The following SCOC variants were observed in gnomAD, a reference collection of about 807,000 sequenced individuals.
The protein encoded by SCOC is short coiled-coil protein, also known as short coiled coil protein.
A neutral mutation model predicts 9.9 loss-of-function variants in SCOC; 7 were observed. The observed-to-expected ratio is 0.71, with a 90% CI of 0.40 to 1.33. The LOEUF (loss-of-function observed/expected upper bound fraction) is 1.33, where lower values mean the gene tolerates loss of function less well. SCOC is among the 40% of genes most tolerant of loss of function. The pLI is 0.01. For synonymous variants in SCOC, 19 were observed against 28.2 expected (o/e 0.67, Z 1.03); for missense variants, 66 against 89.7 (o/e 0.74, Z 1.07).
At chr4:140,299,994 C>T (rs972554078) in intron 1 of SCOC, among the ~76,000 whole-genome samples, 1 of 152,140 alleles carries the variant, frequency 6.6e-6, no homozygotes, top group African/African-American at 2.4e-5. Flanking sequence ...ACATCACAGT[C>T]TTATAGGCCC....
At chr4:140,347,011 A>G (rs576223189) in intron 2 of SCOC, among the ~76,000 whole-genome samples, 1 of 152,336 alleles carries the variant, frequency 6.6e-6, no homozygotes, top group South Asian at 2.1e-4. Flanking sequence ...CAAGTTCTGT[A>G]TGAAAGTCAA....
intron 1 of SCOC, among the ~76,000 whole-genome samples, chr4:140,322,106 C>A (rs1281765891): frequency 6.6e-6 from 1 of 152,124 alleles, no homozygotes; most frequent in Non-Finnish European, 1.5e-5. Flanking sequence ...ATGTCTGTTT[C>A]TTTAAAATAA....
At chr4:140,339,027 T>A (rs1726390614), upstream of SCOC, among the ~76,000 whole-genome samples, 1 of 152,240 alleles carries the variant, frequency 6.6e-6, no homozygotes, top group Non-Finnish European at 1.5e-5. Flanking sequence ...GCTGGAGGCA[T>A]CATGCTACCT....
Position 140,382,986 on chromosome 4 carries a change from T to C in SCOC, c.*1882T>C, listed in dbSNP as rs1315163984. The C allele has an allele frequency of 7.9e-5, 12 of 152,254 alleles. No homozygotes were observed. The highest frequency in any genetic ancestry group is 2.9e-4 in the African/African-American group (12 of 41,466). The allele number at this position is 152,254 out of a possible 1,614,324, so 9.4% of individuals were successfully genotyped here. A position where few individuals can be genotyped will look rare whatever the true frequency, so the allele number is the denominator to read the frequency against. Reference sequence around the variant, plus strand: ...GGTGCTGCCATTTTAAATCATGGCTTTCAAGTCACTCTAGTTATTCTTCTA... The same window carrying C: ...GGTGCTGCCATTTTAAATCATGGCTCTCAAGTCACTCTAGTTATTCTTCTA... On this transcript the variant is annotated 3_prime_UTR_variant, in exon 4 of 4. Transcript: ENST00000608372.
At chr4:140,355,224 T>A (rs1030865469) in intron 2 of SCOC, among the ~76,000 whole-genome samples, 4 of 80,218 alleles carry the variant, frequency 5.0e-5, no homozygotes, top group Non-Finnish European at 8.5e-5. Flanking sequence ...TATATATATA[T>A]ATATATATAT....
chr4:140,277,314 TG>T (rs915907006), intron 1 of SCOC, among the ~76,000 whole-genome samples: 6 of 151,212 alleles, frequency 4.0e-5, no homozygotes, highest in Non-Finnish European at 5.9e-5. Flanking sequence ...CTGTATGAGT[TG>T]GGGGGGGCAG....
At chr4:140,287,314 C>T (rs1731312055) in intron 1 of SCOC, among the ~76,000 whole-genome samples, 1 of 151,726 alleles carries the variant, frequency 6.6e-6, no homozygotes. Context: ...TACCATACAC[C>T]ACACATGTTT....
chr4:140,362,445 C>T lies in SCOC; in HGVS notation c.71-16676C>T, dbSNP rs548161975. ...CAAGTAGCTGAGACTACAGGCCAAGCCACCATGCCCGGCTAATTTTTGTAT... is the reference window on the plus strand; with the variant it reads ...CAAGTAGCTGAGACTACAGGCCAAGTCACCATGCCCGGCTAATTTTTGTAT... On this transcript the variant is annotated intron_variant, in intron 2 of 4. Coordinates refer to the SCOC transcript ENST00000338517. Among the ~76,000 whole-genome samples, 6 of 149,202 alleles carry T rather than the reference C, an allele frequency of 4.0e-5. No individual in the cohort carries two copies. In the East Asian group the frequency reaches 1.0e-3, roughly 25 times the overall value.
intron 1 of SCOC, among the ~76,000 whole-genome samples, chr4:140,320,637 C>A (rs766583245): frequency 6.6e-6 from 1 of 152,078 alleles, no homozygotes; most frequent in Non-Finnish European, 1.5e-5. Flanking sequence ...CAAGGAGAAG[C>A]CTCAGAAAAT....
intron 1 of SCOC, among the ~76,000 whole-genome samples, chr4:140,287,221 A>T (rs1348075179): frequency 6.6e-6 from 1 of 151,812 alleles, no homozygotes; most frequent in African/African-American, 2.4e-5. Context: ...TGCCACACAG[A>T]CCATGCACAT....
chr4:140,337,226 A>G (rs914610216), intron 1 of SCOC, among the ~76,000 whole-genome samples: 1 of 152,174 alleles, frequency 6.6e-6, no homozygotes. Flanking sequence ...TTGATGCACA[A>G]AAGTTTTTAA....
chr4:140,308,868 T>C (rs1732070141), intron 1 of SCOC, among the ~76,000 whole-genome samples: 2 of 152,154 alleles, frequency 1.3e-5, no homozygotes, highest in South Asian at 4.1e-4. Flanking sequence ...GGGTCACTGA[T>C]GAGATGCCCT....
At chr4:140,353,530 C>T (rs1358020517) in intron 2 of SCOC, among the ~76,000 whole-genome samples, 2 of 151,878 alleles carry the variant, frequency 1.3e-5, no homozygotes, top group African/African-American at 4.8e-5. Flanking sequence ...CCTGCCTCAT[C>T]CTCCTGAGTA....
intron 2 of SCOC, among the ~76,000 whole-genome samples, chr4:140,345,123 T>C (rs142756517): frequency 8.5e-4 from 130 of 152,324 alleles, no homozygotes; most frequent in African/African-American, 3.0e-3. Flanking sequence ...TGAGAAGGGC[T>C]GCATAGGAGC....
chr4:140,296,824 C>T (rs899167080), intron 1 of SCOC, among the ~76,000 whole-genome samples: 1 of 151,916 alleles, frequency 6.6e-6, no homozygotes, highest in African/African-American at 2.4e-5. Context: ...AAAGACTGGG[C>T]GTTGTTTTCT....
chr4:140,350,518 A>G (rs150838042), intron 2 of SCOC, among the ~76,000 whole-genome samples: 1 of 152,096 alleles, frequency 6.6e-6, no homozygotes, highest in Non-Finnish European at 1.5e-5. Flanking sequence ...TCTTCTTTCT[A>G]TCCACACTTC....
At chr4:140,337,635 C>G (rs1052520099) in intron 1 of SCOC, among the ~76,000 whole-genome samples, 3 of 152,146 alleles carry the variant, frequency 2.0e-5, no homozygotes, top group African/African-American at 7.2e-5. Flanking sequence ...ACCGATCCCA[C>G]AGAAATACAA....
chr4:140,370,953 C>T (rs1020727824), upstream of SCOC, among the ~76,000 whole-genome samples: 4 of 151,342 alleles, frequency 2.6e-5, no homozygotes, highest in Non-Finnish European at 5.9e-5. Context: ...TGCAGTGGCA[C>T]CATGTCACTG....
intron 1 of SCOC, among the ~76,000 whole-genome samples, chr4:140,323,110 G>T (rs1732547639): frequency 6.6e-6 from 1 of 152,172 alleles, no homozygotes; most frequent in South Asian, 2.1e-4. Flanking sequence ...GTGATTCCCA[G>T]TGTTGAAGGT....
Sources: gnomAD v4.1 joint callset for allele counts (sites outside exome capture counted in the v4.1 genomes callset) on GRCh38, gnomAD v4.1.1 for gene constraint, MANE v1.5 for transcripts, NCBI Gene and HGNC (gene_info 2026-07-23, HGNC 2026-07-21) for gene names.